GGA3: variants seen among roughly 807,000 people sequenced by gnomAD.
GGA3 encodes the protein ADP-ribosylation factor-binding protein GGA3.
GGA3 carries 57 observed loss-of-function variants against 77.5 expected under a neutral mutation model. The observed-to-expected ratio is 0.74, with a 90% CI of 0.59 to 0.92. The LOEUF (loss-of-function observed/expected upper bound fraction) is 0.92, where lower values mean the gene tolerates loss of function less well. Ranked by LOEUF, GGA3 falls within the 40% of genes least tolerant of loss-of-function variation. The pLI is 0.00. For missense variants in GGA3, 970 were observed against 914.9 expected, an observed-to-expected ratio of 1.06 and a Z score of -0.78; for synonymous variants, 416 against 383.7, an observed-to-expected ratio of 1.08 and a Z score of -0.98.
chr17:75,238,457 T>C, intron 16 of GGA3, 68 bp from the exon 17 acceptor site: 1 of 1,336,086 alleles, frequency 7.5e-7, no homozygotes, highest in Non-Finnish European at 1.1e-6. Context: ...TCTATTCTGC[T>C]ACCCTCTCTG....
chr17:75,238,014 C>T lies in GGA3; in HGVS notation c.*265G>A, dbSNP rs2076381646. The T allele has an allele frequency of 7.9e-7, 1 of 1,263,434 alleles. No homozygotes were observed. The highest frequency in any genetic ancestry group is 3.4e-5 in the East Asian group (1 of 29,134). The allele number at this position is 1,263,434 out of a possible 1,614,324, so 78.3% of individuals were successfully genotyped here. A position where few individuals can be genotyped will look rare whatever the true frequency, so the allele number is the denominator to read the frequency against. On this transcript the variant is annotated 3_prime_UTR_variant, in exon 17 of 17. Coordinates refer to ENST00000537686, the MANE Select transcript of GGA3 (RefSeq NM_138619.4). Reference sequence around the variant, plus strand: ...CTGGGGGTCCATGTTCCCGGGACAGCAGTGAAGTCAGGGGCCACTCCGCAC... The same window carrying T: ...CTGGGGGTCCATGTTCCCGGGACAGTAGTGAAGTCAGGGGCCACTCCGCAC...
At position 75,238,645 on chromosome 17, in the gene GGA3, TG is replaced by T. The variant is rs747703631; in HGVS notation, c.2061+6del. On this transcript the variant is annotated splice_donor_region_variant and intron_variant, in intron 16 of 16. Coordinates refer to ENST00000537686, the MANE Select transcript of GGA3 (RefSeq NM_138619.4). ...AGGCTGGGACCCCTGGGTTCTTTGCTGCTCACCTTCAGTGGATTGGCCAGCA... is the reference window on the plus strand; with the variant it reads ...AGGCTGGGACCCCTGGGTTCTTTGCTCTCACCTTCAGTGGATTGGCCAGCA... 11 of 1,602,746 alleles carry T rather than the reference TG, an allele frequency of 6.9e-6. No homozygotes were observed. In the South Asian group the frequency reaches 1.2e-4, roughly 18 times the overall value.
At chr17:75,238,827 C>A in intron 15 of GGA3, 65 bp from the exon 16 acceptor site, 2 of 1,551,002 alleles carry the variant, frequency 1.3e-6, no homozygotes, top group Non-Finnish European at 1.8e-6. Flanking sequence ...CTGCAGTGCA[C>A]ACACACACTG....
At chr17:75,246,441 G>A in intron 3 of GGA3, 68 bp downstream of exon 3, 1 of 1,031,940 alleles carries the variant, frequency 9.7e-7, no homozygotes, top group Non-Finnish European at 1.5e-6. Context: ...AACCGCTATG[G>A]GGACACGAGG....
chr17:75,242,924 G>A lies in GGA3; in HGVS notation c.529-13C>T. On this transcript the variant is annotated splice_polypyrimidine_tract_variant and intron_variant, in intron 6 of 16. Transcript: ENST00000537686. ...GCTTGGCTAAAAGCTGAGAGAGGAG[G>A]AAATCAGAGGTGAAGGGAAGAGGCA... The A allele has an allele frequency of 1.2e-6, 2 of 1,607,604 alleles. No individual in the cohort carries two copies. The highest frequency in any genetic ancestry group is 2.2e-5 in the South Asian group (2 of 90,964).
chr17:75,261,374 G>T (rs547776477), intron 1 of GGA3, among the ~76,000 whole-genome samples, 174 bp downstream of exon 1: 2 of 152,370 alleles, frequency 1.3e-5, no homozygotes, highest in South Asian at 4.1e-4. Flanking sequence ...GGCCGGACTG[G>T]GGCCCGGCGC....
At chr17:75,261,483 G>C in intron 1 of GGA3, 65 bp downstream of exon 1, 1 of 1,301,044 alleles carries the variant, frequency 7.7e-7, no homozygotes, top group Non-Finnish European at 1.0e-6. Context: ...GGGAGGGGAC[G>C]TGGGGGTGAA....
chr17:75,238,768 G>A lies in GGA3; in HGVS notation c.1951-6C>T. ...TGCAACTTCACTTTCATTGACTAAA[G>A]AGAGAGAAACTCCTTTGAAGAGAAC... On this transcript the variant is annotated splice_region_variant and splice_polypyrimidine_tract_variant and intron_variant, in intron 15 of 16. Coordinates refer to ENST00000537686, the MANE Select transcript of GGA3 (RefSeq NM_138619.4). 1 of 1,609,496 alleles carries A rather than the reference G, an allele frequency of 6.2e-7. No homozygotes were observed. The highest frequency in any genetic ancestry group is 8.5e-7 in the Non-Finnish European group (1 of 1,176,542).
chr17:75,255,968 C>G (rs1456580619), intron 1 of GGA3, among the ~76,000 whole-genome samples: 3 of 152,234 alleles, frequency 2.0e-5, no homozygotes, highest in Non-Finnish European at 4.4e-5. Flanking sequence ...TTACTTCAGT[C>G]AAGCCCAAAT....
rs2076478006 is a variant in GGA3, at chr17:75,239,965, C to T, written c.1407G>A (p.Val469=). 6.4e-7 allele frequency: 1 copy of T among 1,568,612 alleles called. No individual in the cohort carries two copies. Among genetic ancestry groups the T allele is most frequent in the African/African-American group, 1.4e-5 (1 of 73,532 alleles). Residue 469 remains valine, a synonymous_variant, in exon 13 of 17, where the codon GTG becomes GTA. Coordinates refer to ENST00000537686, the MANE Select transcript of GGA3 (RefSeq NM_138619.4). Reference sequence around the variant, plus strand: ...TGGGGGCAGGAACACTGGCTGGGACCACAGGAGCTGGGAAGGGAGGCGGCA... The same window carrying T: ...TGGGGGCAGGAACACTGGCTGGGACTACAGGAGCTGGGAAGGGAGGCGGCA... ...APLPPPFPAP[V]VPASVPAPSA...
At position 75,238,251 on chromosome 17, in the gene GGA3, A is replaced by G. The variant is rs2076389051; in HGVS notation, c.*28T>C. 2 of 1,608,008 alleles carry G rather than the reference A, an allele frequency of 1.2e-6. No homozygotes were observed. Among genetic ancestry groups the G allele is most frequent in the East Asian group, 4.5e-5 (2 of 44,680 alleles). ...GTCTCAGGGCAGCCTGCCTGGCTTC[A>G]AGGTGGAGATCACAGCGTCCTCTGG... On this transcript the variant is annotated 3_prime_UTR_variant, in exon 17 of 17. Coordinates refer to ENST00000537686, the MANE Select transcript of GGA3 (RefSeq NM_138619.4).
At chr17:75,255,912 A>C (rs1169502999) in intron 1 of GGA3, among the ~76,000 whole-genome samples, 1 of 152,212 alleles carries the variant, frequency 6.6e-6, no homozygotes, top group Non-Finnish European at 1.5e-5. Context: ...TAGGCTCAGC[A>C]AATTACCTGG....
At chr17:75,260,225 C>T (rs1359314261) in intron 1 of GGA3, among the ~76,000 whole-genome samples, 12 of 152,198 alleles carry the variant, frequency 7.9e-5, no homozygotes, top group Admixed American at 6.5e-4. Context: ...TTAAATTATT[C>T]AATACCCATA....
chr17:75,240,401 G>A lies in GGA3; in HGVS notation c.1204C>T (p.Pro402Ser). Residue 402 changes from proline to serine, a missense_variant, in exon 12 of 17, where the codon CCA becomes TCA. Pro to Ser is a moderately conservative substitution (Grantham distance 74). Transcript: ENST00000537686. ...TCTTTGGGAGGAACATTAGGGGCTGGGTCGGCGAGGCCTGACAATAGAGAA... is the reference window on the plus strand; with the variant it reads ...TCTTTGGGAGGAACATTAGGGGCTGAGTCGGCGAGGCCTGACAATAGAGAA... ...EELLCLGLAD[P>S]APNVPPKESA... is the part of the protein sequence containing the mutation. 3 of 1,595,910 alleles carry A rather than the reference G, an allele frequency of 1.9e-6. No individual in the cohort carries two copies. Among genetic ancestry groups the A allele is most frequent in the Non-Finnish European group, 2.6e-6 (3 of 1,171,230 alleles).
intron 11 of GGA3, 90 bp downstream of exon 11, chr17:75,240,722 C>T (rs1032053101): frequency 1.5e-5 from 21 of 1,419,636 alleles, no homozygotes; most frequent in African/African-American, 5.7e-5. Context: ...AACAGTCACA[C>T]TGGGGCCCCG....
rs1555591646 is a variant in GGA3 at position 75,257,284 on chromosome 17, C to CA, written c.40+4263_40+4264insT. Among the ~76,000 whole-genome samples, 11 of 68,282 alleles carry CA rather than the reference C, an allele frequency of 1.6e-4. No homozygotes were observed. The East Asian group carries it at 2.0e-3, about 13-fold the overall frequency. The allele number at this position is 68,282 out of a possible 152,430, so 44.8% of individuals were successfully genotyped here. On this transcript the variant is annotated intron_variant, in intron 1 of 16. Transcript: ENST00000537686. ...CCAGACCAACTTAGACTGTGCCCCC[C>CA]CCCCCAAAAAAAACCTGTCATCATC...
At chr17:75,262,097 T>C, upstream of GGA3, 1 of 1,279,282 alleles carries the variant, frequency 7.8e-7, no homozygotes, top group Non-Finnish European at 1.1e-6. Context: ...GTATCTGGAT[T>C]CAAGCTTCTA....
chr17:75,240,827 C>T lies in GGA3; in HGVS notation c.1177G>A (p.Glu393Lys). 6.2e-7 allele frequency: 1 copy of T among 1,611,878 alleles called. No individual in the cohort carries two copies. The highest frequency in any genetic ancestry group is 8.5e-7 in the Non-Finnish European group (1 of 1,179,610). ...TGGGCCGCACCCAAGCAGAGTAGCT[C>T]CTCGTCCAGCCAGGAGAGGGCGTTG... Reference protein sequence around the residue: ...TSNALSWLDEELLCLGLADPA... With the variant: ...TSNALSWLDEKLLCLGLADPA... Residue 393 changes from glutamate to lysine, a missense_variant, in exon 11 of 17, where the codon GAG becomes AAG. Transcript: ENST00000537686.
chr17:75,242,075 G>A, intron 8 of GGA3: 1 of 570,962 alleles, frequency 1.8e-6, no homozygotes, highest in Non-Finnish European at 3.1e-6. Context: ...GAGCAGGGGT[G>A]AGCACCGAGA....
Sources: gnomAD v4.1 joint callset for allele counts (sites outside exome capture counted in the v4.1 genomes callset) on GRCh38, gnomAD v4.1.1 for gene constraint, MANE v1.5 for transcripts, NCBI Gene and HGNC (gene_info 2026-07-23, HGNC 2026-07-21) for gene names.